The following TAF6 variants were observed in gnomAD, a reference collection of about 807,000 sequenced individuals.
TAF6 encodes TATA-box binding protein associated factor 6, also known as transcription initiation factor TFIID subunit 6.
A neutral mutation model predicts 73.5 loss-of-function variants in TAF6; 50 were observed. The observed-to-expected ratio is 0.68, with a 90% CI of 0.54 to 0.86. TAF6 has a LOEUF of 0.86. Among genes scored for constraint, TAF6 ranks in the 40% least tolerant of loss-of-function variants. The pLI is 0.00. For synonymous variants in TAF6, 424 were observed against 376.7 expected, an observed-to-expected ratio of 1.13 and a Z score of -1.45; for missense variants, 768 against 899.5, an observed-to-expected ratio of 0.85 and a Z score of 1.87.
At chr7:100,108,338 C>T (rs750652215) in intron 13 of TAF6, 29 bp downstream of exon 13, 1 of 1,580,232 alleles carries the variant, frequency 6.3e-7, no homozygotes, top group South Asian at 1.1e-5. Context: ...CTGCTTCCTC[C>T]TATTCCTCCT....
chr7:100,107,537 G>A lies in TAF6; in HGVS notation c.1743C>T (p.Ile581=), dbSNP rs542801954. The change falls in exon 15 of 15, where the codon ATC becomes ATT. Residue 581 remains isoleucine, a synonymous_variant. Coordinates refer to ENST00000453269, the MANE Select transcript of TAF6 (RefSeq NM_139315.3). ...VTTTVPSVQP[I]VKLVSTATTA... Reference sequence around the variant, plus strand: ...TGGTGGCGGTGGAGACCAACTTGACGATGGGCTGCACGCTGGGGACGGTGG... The same window carrying A: ...TGGTGGCGGTGGAGACCAACTTGACAATGGGCTGCACGCTGGGGACGGTGG... 2.0e-5 allele frequency: 33 copies of A among 1,614,114 alleles called. No homozygotes were observed. Among genetic ancestry groups the A allele is most frequent in the South Asian group, 5.5e-5 (5 of 91,076 alleles).
chr7:100,121,118 T>TATATATA (rs1798048567), upstream of TAF6: 3 of 31,884 alleles, frequency 9.4e-5, no homozygotes, highest in African/African-American at 3.1e-4. Flanking sequence ...ATATATATAT[T>TATATATA]TTTTTTTTTT....
In TAF6 at chr7:100,119,336, T is replaced by TCGGCGCC; in HGVS notation, c.-199_-193dup. ...AGCCGAGACGCTGCTCACCCGGCGC[T>TCGGCGCC]CGGCGCCATCTTGGCCCCGCCCCCT... On this transcript the variant is annotated 5_prime_UTR_variant, in exon 1 of 15. The change abolishes the stop of an existing upstream ORF in the 5' untranslated region. Transcript: ENST00000453269. 9.7e-7 allele frequency: 1 copy of TCGGCGCC among 1,032,238 alleles called. No homozygotes were observed. Among genetic ancestry groups the TCGGCGCC allele is most frequent in the Non-Finnish European group, 1.2e-6 (1 of 858,160 alleles). 63.9% of individuals were successfully genotyped at this position (1,032,238 alleles called of 1,614,324 possible).
chr7:100,112,688 C>T (rs1797302602), intron 6 of TAF6, 110 bp downstream of exon 6: 2 of 1,430,300 alleles, frequency 1.4e-6, no homozygotes, highest in African/African-American at 1.4e-5. Context: ...ACACTCCAGC[C>T]TGGGTGACAG....
At chr7:100,110,967 G>A (rs1369537819) in intron 10 of TAF6, among the ~76,000 whole-genome samples, 172 bp downstream of exon 10, 7 of 140,664 alleles carry the variant, frequency 5.0e-5, no homozygotes, top group African/African-American at 1.6e-4. Context: ...GGGCAAGAGC[G>A]AGACTCCATC....
chr7:100,122,372 C>A (rs1301574600), upstream of TAF6: 3 of 1,614,136 alleles, frequency 1.9e-6, no homozygotes, highest in Non-Finnish European at 2.5e-6. Context: ...GAGACACGTG[C>A]CTTACAGCGT....
At chr7:100,119,101 G>A (rs553935844) in intron 1 of TAF6, 103 bp downstream of exon 1, 2 of 986,392 alleles carry the variant, frequency 2.0e-6, no homozygotes, top group Admixed American at 6.1e-5. Flanking sequence ...AAGATCCCCG[G>A]GCAGCGCGAA....
chr7:100,107,157 T>C lies in TAF6; in HGVS notation c.*89A>G. ...TGACATGAAGGAAGCAATCTACAAC[T>C]TCCTTCCGCTTAGCGAGCATGCATG... is the stretch of plus-strand genomic sequence containing the variant. On this transcript the variant is annotated 3_prime_UTR_variant, in exon 15 of 15. Transcript: ENST00000453269. 1 of 1,494,040 alleles carries C rather than the reference T, an allele frequency of 6.7e-7. No individual in the cohort carries two copies. Among genetic ancestry groups the C allele is most frequent in the East Asian group, 2.3e-5 (1 of 43,526 alleles). 92.5% of individuals were successfully genotyped at this position (1,494,040 alleles called of 1,614,324 possible). A position where few individuals can be genotyped will look rare whatever the true frequency, so the allele number is the denominator to read the frequency against.
In TAF6 at chr7:100,113,554, C is replaced by T. The variant is rs183778768; in HGVS notation, c.397+62G>A. ...TTTTCTTCTATTGTGAGGCTCCTCA[C>T]ACCTACACACATCTGTCCTCCTTTC... is the stretch of plus-strand genomic sequence containing the variant. On this transcript the variant is annotated intron_variant, in intron 4 of 14. Coordinates refer to ENST00000453269, the MANE Select transcript of TAF6 (RefSeq NM_139315.3). 739 of 1,592,568 alleles carry T rather than the reference C, an allele frequency of 4.6e-4. 2 individuals are homozygous for T. Among genetic ancestry groups the T allele is most frequent in the Middle Eastern group, 2.2e-3 (13 of 5,928 alleles).
At chr7:100,108,877 A>G in intron 12 of TAF6, 1 of 197,456 alleles carries the variant, frequency 5.1e-6, no homozygotes, top group Non-Finnish European at 1.0e-5. Context: ...TACAAAAACT[A>G]GCCAGGCATG....
At chr7:100,119,566 ACGGAGGCAGGGAAACC>A (rs1797956747), upstream of TAF6, 6 of 1,422,462 alleles carry the variant, frequency 4.2e-6, no homozygotes, top group Admixed American at 5.6e-5. Flanking sequence ...GCGCCACAAA[ACGGAGGCAGGGAAACC>A]CGTAGCAACG....
At chr7:100,124,655 C>T (rs754332452), upstream of TAF6, 1 of 1,611,538 alleles carries the variant, frequency 6.2e-7, no homozygotes, top group Non-Finnish European at 8.5e-7. Flanking sequence ...TTGAACTCCT[C>T]TCCTGCCAAG....
intron 13 of TAF6, 52 bp from the exon 14 acceptor site, chr7:100,108,175 G>A: frequency 6.5e-7 from 1 of 1,539,128 alleles, no homozygotes; most frequent in Non-Finnish European, 8.7e-7. Flanking sequence ...AAGAAGAGGA[G>A]TCTGAAGGGA....
chr7:100,112,487 C>A (rs1023577190), intron 6 of TAF6, among the ~76,000 whole-genome samples: 23 of 151,682 alleles, frequency 1.5e-4, no homozygotes, highest in Non-Finnish European at 5.9e-5. Context: ...CCAAGGCGGG[C>A]GGATCACATG....
chr7:100,120,026 T>A, upstream of TAF6: 1 of 569,260 alleles, frequency 1.8e-6, no homozygotes, highest in Non-Finnish European at 2.9e-6. Context: ...GAAGCGAACG[T>A]GTAGTGCCAC....
chr7:100,125,947 G>A, the TAF6 span, among the ~76,000 whole-genome samples: 1 of 152,354 alleles, frequency 6.6e-6, no homozygotes, highest in East Asian at 1.9e-4. Context: ...AGCACTTTGG[G>A]AGGCCAAGGC....
chr7:100,123,034 C>A, upstream of TAF6: 2 of 1,069,922 alleles, frequency 1.9e-6, no homozygotes, highest in Non-Finnish European at 2.6e-6. Flanking sequence ...GAGGACTGTG[C>A]CATTGATTAA....
In TAF6 at chr7:100,107,156, C is replaced by T; in HGVS notation, c.*90G>A. 1.3e-6 allele frequency: 2 copies of T among 1,491,196 alleles called. No individual in the cohort carries two copies. The highest frequency in any genetic ancestry group is 1.8e-6 in the Non-Finnish European group (2 of 1,118,306). The allele number at this position is 1,491,196 out of a possible 1,614,324, so 92.4% of individuals were successfully genotyped here. A position where few individuals can be genotyped will look rare whatever the true frequency, so the allele number is the denominator to read the frequency against. ...GTGACATGAAGGAAGCAATCTACAA[C>T]TTCCTTCCGCTTAGCGAGCATGCAT... On this transcript the variant is annotated 3_prime_UTR_variant, in exon 15 of 15. Transcript: ENST00000453269.
intron 5 of TAF6, 101 bp downstream of exon 5, chr7:100,113,248 A>C: frequency 8.7e-7 from 1 of 1,148,548 alleles, no homozygotes. Flanking sequence ...GCACTCCTGC[A>C]CTCCAGCACA....
Sources: allele counts gnomAD v4.1 joint callset (sites outside exome capture counted in the v4.1 genomes callset), GRCh38; gene constraint gnomAD v4.1.1; transcripts MANE v1.5; gene names NCBI Gene and HGNC (gene_info 2026-07-23, HGNC 2026-07-21).